Variants in EIF3F observed in about 807,000 individuals in gnomAD.
The protein encoded by EIF3F is eukaryotic translation initiation factor 3 subunit F, also known as deubiquitinating enzyme eIF3f.
In EIF3F, 8 loss-of-function variants were observed where a neutral mutation model predicts 36.0. That is an observed-to-expected ratio of 0.22 (90% CI 0.13 to 0.40). The LOEUF (loss-of-function observed/expected upper bound fraction) is 0.40, where lower values mean the gene tolerates loss of function less well. Ranked by LOEUF, EIF3F falls within the 10% of genes least tolerant of loss-of-function variation. The probability of loss-of-function intolerance (pLI) is 1.00; values close to 1 mark genes in which losing one functional copy is unlikely to be tolerated. For missense variants in EIF3F, 430 were observed against 467.6 expected (o/e 0.92, Z 0.74); for synonymous variants, 184 against 188.5 (o/e 0.98, Z 0.19).
In EIF3F at chr11:7,995,073, C is replaced by G. The variant is rs1191438704; in HGVS notation, c.837C>G (p.Ile279Met). 1 of 1,613,982 alleles carries G rather than the reference C, an allele frequency of 6.2e-7. No homozygotes were observed. The highest frequency in any genetic ancestry group is 8.5e-7 in the Non-Finnish European group (1 of 1,179,914). Residue 279 changes from isoleucine (I) to methionine (M), a missense_variant, in exon 6 of 8, where the codon ATC becomes ATG. Physicochemically the swap from Ile to Met is conservative, Grantham distance 10 (BLOSUM62 1). This residue lies in a region of EIF3F where 262 missense variants were observed against 347.4 expected (regional missense o/e 0.75). Transcript: ENST00000651655. ...LQQVGGASARIQDALSTVLQY... is the reference protein window; with the variant it reads ...LQQVGGASARMQDALSTVLQY... ...AAGTAGGAGGGGCATCAGCTCGCAT[C>G]CAGGATGCCCTGAGTACAGTGTTGC...
intron 5 of EIF3F, 68 bp downstream of exon 5, chr11:7,994,585 CA>C (rs1403714466): frequency 2.0e-6 from 3 of 1,463,456 alleles, no homozygotes; most frequent in Non-Finnish European, 2.8e-6. Context: ...TGCTAGTCTG[CA>C]ACATGGACGG....
chr11:7,997,560 A>G lies in EIF3F; in HGVS notation c.*1538A>G, dbSNP rs1371227870. ...ATAAGTATTAAACTAGCCCAAGGAA[A>G]AATTGAATATTAAAACAAACCCCAA... is the stretch of plus-strand genomic sequence containing the variant. On this transcript the variant is annotated 3_prime_UTR_variant, in exon 8 of 8. Coordinates refer to ENST00000651655, the MANE Select transcript of EIF3F (RefSeq NM_003754.3). 2.0e-5 allele frequency: 3 copies of G among 152,246 alleles called. No homozygotes were observed. The highest frequency in any genetic ancestry group is 4.4e-5 in the Non-Finnish European group (3 of 68,038). 9.4% of individuals were successfully genotyped at this position (152,246 alleles called of 1,614,324 possible). A position where few individuals can be genotyped will look rare whatever the true frequency, so the allele number is the denominator to read the frequency against.
In EIF3F at chr11:7,999,329, A is replaced by G. The variant is rs1369575784; in HGVS notation, c.*3307A>G. 6.6e-6 allele frequency: 1 copy of G among 152,214 alleles called. No individual in the cohort carries two copies. The highest frequency in any genetic ancestry group is 1.9e-4 in the East Asian group (1 of 5,202). 9.4% of individuals were successfully genotyped at this position (152,214 alleles called of 1,614,324 possible). A position where few individuals can be genotyped will look rare whatever the true frequency, so the allele number is the denominator to read the frequency against. ...TAGTACTACCCAGTTGATACGGTGGAAGAAAACTTGAAAATGCTAATGAGA... is the reference window on the plus strand; with the variant it reads ...TAGTACTACCCAGTTGATACGGTGGGAGAAAACTTGAAAATGCTAATGAGA... On this transcript the variant is annotated 3_prime_UTR_variant, in exon 8 of 8. Transcript: ENST00000651655.
intron 3 of EIF3F, chr11:7,992,389 A>G (rs1007812101): frequency 3.5e-6 from 2 of 566,008 alleles, no homozygotes; most frequent in African/African-American, 3.8e-5. Context: ...CAAAATAGTG[A>G]GACCCTGTCT....
At position 7,993,125 on chromosome 11, in the gene EIF3F, G is replaced by A. The variant is rs2133671856; in HGVS notation, c.653+101G>A. 5.2e-6 allele frequency: 7 copies of A among 1,357,764 alleles called. No individual in the cohort carries two copies. In the South Asian group the frequency reaches 6.1e-5, roughly 12 times the overall value. 84.1% of individuals were successfully genotyped at this position (1,357,764 alleles called of 1,614,324 possible). ...ATTCCTTCCATGTGTAACTTGCTGTGTCCTTAGGAAGCCTGTTCCTCTCTC... is the reference window on the plus strand; with the variant it reads ...ATTCCTTCCATGTGTAACTTGCTGTATCCTTAGGAAGCCTGTTCCTCTCTC... On this transcript the variant is annotated intron_variant, in intron 4 of 7. Transcript: ENST00000651655.
chr11:7,991,192 C>T lies in EIF3F; in HGVS notation c.365-589C>T, dbSNP rs958880317. ...CCTGGGCGACAGCAAGATTTCGTCT[C>T]AGAAAAAAAAAAAAGAAAAAAAGAA... On this transcript the variant is annotated intron_variant, in intron 1 of 7. Transcript: ENST00000651655. 1.4e-4 allele frequency among the ~76,000 whole-genome samples: 21 copies of T among 144,962 alleles called. 1 individual carries two copies. Among genetic ancestry groups the T allele is most frequent in the Admixed American group, 6.8e-5 (1 of 14,644 alleles).
rs1037229918 is a variant in EIF3F, at chr11:7,998,092, A to G, written c.*2070A>G. ...GATACTAAACGGTGACTGTGTGTGT[A>G]TATATATATGTATAGTCTGTTCTCA... is the stretch of plus-strand genomic sequence containing the variant. On this transcript the variant is annotated 3_prime_UTR_variant, in exon 8 of 8. Coordinates refer to ENST00000651655, the MANE Select transcript of EIF3F (RefSeq NM_003754.3). The G allele has an allele frequency of 1.3e-5, 2 of 152,006 alleles. No individual in the cohort carries two copies. Among genetic ancestry groups the G allele is most frequent in the African/African-American group, 2.4e-5 (1 of 41,362 alleles). The allele number at this position is 152,006 out of a possible 1,614,324, so 9.4% of individuals were successfully genotyped here. A position where few individuals can be genotyped will look rare whatever the true frequency, so the allele number is the denominator to read the frequency against.
intron 1 of EIF3F, chr11:7,988,008 C>T: frequency 3.3e-6 from 1 of 299,636 alleles, no homozygotes; most frequent in Non-Finnish European, 5.9e-6. Flanking sequence ...ACATTTATGC[C>T]AGTGGTTTAC....
In EIF3F at chr11:7,992,878, A is replaced by G. The variant is rs1432006327; in HGVS notation, c.516-9A>G. ...AGACAGGAGTCCACCACTGTGTTCC[A>G]TTTCACAGGTACGCTACGGGCCATG... On this transcript the variant is annotated splice_polypyrimidine_tract_variant and intron_variant, in intron 3 of 7. Coordinates refer to ENST00000651655, the MANE Select transcript of EIF3F (RefSeq NM_003754.3). 3 of 1,613,920 alleles carry G rather than the reference A, an allele frequency of 1.9e-6. No homozygotes were observed. In the East Asian group the frequency reaches 6.7e-5, roughly 36 times the overall value.
At chr11:7,987,895 T>G in intron 1 of EIF3F, 179 bp downstream of exon 1, 1 of 924,088 alleles carries the variant, frequency 1.1e-6, no homozygotes, top group Non-Finnish European at 1.5e-6. Flanking sequence ...CTCAAGCACT[T>G]GCATCTCTCC....
Position 8,001,824 on chromosome 11 carries a change from A to G in EIF3F, c.*5802A>G, listed in dbSNP as rs1455439575. 1 of 152,152 alleles carries G rather than the reference A, an allele frequency of 6.6e-6. No homozygotes were observed. Among genetic ancestry groups the G allele is most frequent in the East Asian group, 1.9e-4 (1 of 5,204 alleles). 9.4% of individuals were successfully genotyped at this position (152,152 alleles called of 1,614,324 possible). The stretch of plus-strand genomic sequence containing the variant: ...TGCTGTTAATGTAATTTTTCAAAAA[A>G]ATATATAAAAATATAAAAACATGAA... On this transcript the variant is annotated 3_prime_UTR_variant, in exon 8 of 8. Coordinates refer to ENST00000651655, the MANE Select transcript of EIF3F (RefSeq NM_003754.3).
intron 5 of EIF3F, 83 bp downstream of exon 5, chr11:7,994,600 C>T: frequency 7.4e-7 from 1 of 1,347,496 alleles, no homozygotes; most frequent in Non-Finnish European, 1.0e-6. Flanking sequence ...TGGACGGAGG[C>T]CTTGGGTGGT....
chr11:7,990,697 C>T (rs58965599), intron 1 of EIF3F, among the ~76,000 whole-genome samples: 6,379 of 152,040 alleles, frequency 0.042, 429 homozygotes, highest in African/African-American at 0.14. Flanking sequence ...GTGAAGGGAG[C>T]AGAAACCATA....
intron 1 of EIF3F, among the ~76,000 whole-genome samples, chr11:7,989,833 A>G (rs928576717): frequency 1.3e-5 from 2 of 152,258 alleles, no homozygotes; most frequent in Non-Finnish European, 2.9e-5. Context: ...TGAAACATTC[A>G]GTATTACAGG....
In EIF3F at chr11:8,000,793, A is replaced by G. The variant is rs1191125917; in HGVS notation, c.*4771A>G. 6.6e-6 allele frequency: 1 copy of G among 152,180 alleles called. No homozygotes were observed. The highest frequency in any genetic ancestry group is 1.9e-4 in the East Asian group (1 of 5,194). The allele number at this position is 152,180 out of a possible 1,614,324, so 9.4% of individuals were successfully genotyped here. A position where few individuals can be genotyped will look rare whatever the true frequency, so the allele number is the denominator to read the frequency against. ...TTACCTGCACCAAAATAAGTTGCTC[A>G]TGGAATAAAAACTTGTCTGAAAAAA... On this transcript the variant is annotated 3_prime_UTR_variant, in exon 8 of 8. Transcript: ENST00000651655.
At chr11:7,993,420 G>A (rs906281744) in intron 4 of EIF3F, among the ~76,000 whole-genome samples, 3 of 152,168 alleles carry the variant, frequency 2.0e-5, no homozygotes, top group Non-Finnish European at 4.4e-5. Context: ...AGCGCTCAGG[G>A]TAATACAGAT....
chr11:7,988,179 G>T (rs1307236522), intron 1 of EIF3F, among the ~76,000 whole-genome samples: 3 of 152,172 alleles, frequency 2.0e-5, no homozygotes, highest in Non-Finnish European at 4.4e-5. Context: ...TCCAGGTATT[G>T]ACAAAGTTTT....
chr11:7,993,681 A>T (rs1461770083), intron 4 of EIF3F, among the ~76,000 whole-genome samples: 1 of 152,166 alleles, frequency 6.6e-6, no homozygotes, highest in Non-Finnish European at 1.5e-5. Flanking sequence ...TCTGTGTCTG[A>T]CACTGACATA....
rs1942219560 is a variant in EIF3F, at chr11:8,001,363, C to A, written c.*5341C>A. The A allele has an allele frequency of 6.6e-6, 1 of 152,094 alleles. No homozygotes were observed. The highest frequency in any genetic ancestry group is 2.4e-5 in the African/African-American group (1 of 41,422). 9.4% of individuals were successfully genotyped at this position (152,094 alleles called of 1,614,324 possible). A position where few individuals can be genotyped will look rare whatever the true frequency, so the allele number is the denominator to read the frequency against. On this transcript the variant is annotated 3_prime_UTR_variant, in exon 8 of 8. Transcript: ENST00000651655. The stretch of plus-strand genomic sequence containing the variant: ...TATGCATGCCCTTAACCCAGGAATT[C>A]CACTCCTCATTATATATCCTACAAA...
Sources: allele counts gnomAD v4.1 joint callset (sites outside exome capture counted in the v4.1 genomes callset), GRCh38; gene constraint gnomAD v4.1.1; regional missense constraint gnomAD v4.1.1; transcripts MANE v1.5; gene names NCBI Gene and HGNC (gene_info 2026-07-23, HGNC 2026-07-21).